MYH2: variants seen among roughly 807,000 people sequenced by gnomAD.
The protein encoded by MYH2 is myosin-2.
Under a neutral mutation model 228.1 loss-of-function variants are expected in MYH2, and 139 were observed. That is an observed-to-expected ratio of 0.61 (90% CI 0.53 to 0.70). The LOEUF is 0.70. Ranked by LOEUF, MYH2 falls within the 30% of genes least tolerant of loss-of-function variation. The pLI, the probability that MYH2 is intolerant of heterozygous loss-of-function variation, is 0.00. For synonymous variants in MYH2, 796 were observed against 871.1 expected, an observed-to-expected ratio of 0.91 and a Z score of 1.52; for missense variants, 1,809 against 2,357.5, an observed-to-expected ratio of 0.77 and a Z score of 4.82.
At chr17:10,543,409 CACATA>C (rs2073583435) in intron 8 of MYH2, among the ~76,000 whole-genome samples, 1 of 152,096 alleles carries the variant, frequency 6.6e-6, no homozygotes, top group Non-Finnish European at 1.5e-5. Flanking sequence ...CCATAATATA[CACATA>C]ACATATATCA....
chr17:10,538,572 G>A (rs765506765), intron 14 of MYH2, among the ~76,000 whole-genome samples: 36 of 151,224 alleles, frequency 2.4e-4, no homozygotes, highest in Non-Finnish European at 4.3e-4. Context: ...GTGAACCCAG[G>A]AGGCGGAGCT....
chr17:10,537,366 A>G lies in MYH2; in HGVS notation c.1764T>C (p.Val588=), dbSNP rs2142310568. ...GCCAGCCAGTAATGTTGTAGTCCAC[A>G]ACACCAGCATAGTGAATCAGAGCGA... ...AHFALIHYAG[V]VDYNITGWLE... The change falls in exon 16 of 40, where the codon GTT becomes GTC. Residue 588 remains valine (V), a synonymous_variant. Transcript: ENST00000245503. This position sits in a 1 kb window ranked among gnomAD's most constrained non-coding sequence, Gnocchi z 4.0. 6.2e-7 allele frequency: 1 copy of G among 1,614,196 alleles called. No homozygotes were observed. The highest frequency in any genetic ancestry group is 8.5e-7 in the Non-Finnish European group (1 of 1,180,036).
chr17:10,527,225 C>T (rs554354850), intron 28 of MYH2, among the ~76,000 whole-genome samples, 169 bp from the exon 29 acceptor site: 2 of 152,330 alleles, frequency 1.3e-5, no homozygotes, highest in East Asian at 3.9e-4. Flanking sequence ...TATGGTGAAA[C>T]TTTCAGATCA....
intron 19 of MYH2, among the ~76,000 whole-genome samples, chr17:10,534,100 T>C (rs1457329424): frequency 6.6e-6 from 1 of 152,232 alleles, no homozygotes; most frequent in Non-Finnish European, 1.5e-5. Flanking sequence ...CAGTGCCACC[T>C]GACCCAGACC....
chr17:10,541,346 C>T lies in MYH2; in HGVS notation c.905-649G>A, dbSNP rs934254421. 4.6e-5 allele frequency among the ~76,000 whole-genome samples: 7 copies of T among 152,090 alleles called. No homozygotes were observed. The East Asian group carries it at 1.4e-3, about 29-fold the overall frequency. ...TAGGGGGAGGTCTCTAAAATGGCTG[C>T]TCTGGGAATGTTGTCTTTTACAGTT... is the stretch of plus-strand genomic sequence containing the variant. On this transcript the variant is annotated intron_variant, in intron 10 of 39. Coordinates refer to ENST00000245503, the MANE Select transcript of MYH2 (RefSeq NM_017534.6).
At chr17:10,529,126 G>A (rs1356983505) in intron 26 of MYH2, 36 bp downstream of exon 26, 1 of 1,614,156 alleles carries the variant, frequency 6.2e-7, no homozygotes, top group Non-Finnish European at 8.5e-7. Context: ...TGTCATAACT[G>A]CCTCCGAGCC....
In MYH2 at chr17:10,525,263, T is replaced by C; in HGVS notation, c.4623A>G (p.Gln1541=). The part of the protein sequence containing the change: ...ELEKIKKQVE[Q]EKCELQAALE... ...AAGCAGCCTGAAGTTCACACTTTTC[T>C]TGTTCCACTTGTTTCTTTATTTTCT... Residue 1541 remains glutamine (Q), a synonymous_variant, in exon 33 of 40, where the codon CAA becomes CAG. Coordinates refer to ENST00000245503, the MANE Select transcript of MYH2 (RefSeq NM_017534.6). The surrounding 1 kb of genome is among the most constrained non-coding windows in gnomAD (Gnocchi z 4.2). The C allele has an allele frequency of 1.2e-6, 2 of 1,614,180 alleles. No individual in the cohort carries two copies. Among genetic ancestry groups the C allele is most frequent in the Non-Finnish European group, 1.7e-6 (2 of 1,180,030 alleles).
At chr17:10,527,633 A>G (rs2073370253) in intron 28 of MYH2, 115 bp downstream of exon 28, 1 of 1,523,876 alleles carries the variant, frequency 6.6e-7, no homozygotes, top group South Asian at 1.1e-5. Context: ...TGAGCTGTTC[A>G]GTGAATCAGA....
Position 10,524,628 on chromosome 17 carries a change from C to T in MYH2, c.5013G>A (p.Glu1671=), listed in dbSNP as rs748695702. The T allele has an allele frequency of 3.7e-6, 6 of 1,614,240 alleles. No individual in the cohort carries two copies. The highest frequency in any genetic ancestry group is 5.1e-6 in the Non-Finnish European group (6 of 1,180,046). ...CCATGGCCAGCTGTTCCTTCAGGTC[C>T]TCCTGGCTCCGGAGAGCATCATCCA... ...IHLDDALRSQ[E]DLKEQLAMVE... is the part of the protein sequence containing the mutation. The change falls in exon 35 of 40, where the codon GAG becomes GAA. Residue 1671 remains glutamate (E), a synonymous_variant. Coordinates refer to ENST00000245503, the MANE Select transcript of MYH2 (RefSeq NM_017534.6). The surrounding 1 kb of genome is among the most constrained non-coding windows in gnomAD (Gnocchi z 4.7).
At chr17:10,546,288 T>TATATATATATATATATATAC (rs1384958740) in intron 4 of MYH2, among the ~76,000 whole-genome samples, 2 of 136,958 alleles carry the variant, frequency 1.5e-5, no homozygotes, top group South Asian at 2.4e-4. Context: ...TATATATATA[T>TATATATATATATATATATAC]ACATCATGAT....
Position 10,537,547 on chromosome 17 carries a change from A to C in MYH2, c.1588-5T>G, listed in dbSNP as rs761572484. 6.2e-7 allele frequency: 1 copy of C among 1,614,164 alleles called. No homozygotes were observed. The highest frequency in any genetic ancestry group is 8.5e-7 in the Non-Finnish European group (1 of 1,180,024). On this transcript the variant is annotated splice_polypyrimidine_tract_variant and splice_region_variant and intron_variant, in intron 15 of 39. Coordinates refer to ENST00000245503, the MANE Select transcript of MYH2 (RefSeq NM_017534.6). The surrounding 1 kb of genome is among the most constrained non-coding windows in gnomAD (Gnocchi z 4.0). ...GATGGAGAAGATGCCCATAGGCTAA[A>C]AAGCAGACCACAACACAAAATTGTA...
rs1416328046 is a variant in MYH2 at position 10,533,439 on chromosome 17, T to G, written c.2305-18A>C. On this transcript the variant is annotated intron_variant, in intron 20 of 39. Coordinates refer to ENST00000245503, the MANE Select transcript of MYH2 (RefSeq NM_017534.6). ...AAAAAGACCTGTGAATGGAAAGAGTTGCAAATCACAAGCTTTAATAAAGTT... is the reference window on the plus strand; with the variant it reads ...AAAAAGACCTGTGAATGGAAAGAGTGGCAAATCACAAGCTTTAATAAAGTT... 1.9e-6 allele frequency: 3 copies of G among 1,613,986 alleles called. No homozygotes were observed. The Admixed American group carries it at 5.0e-5, about 27-fold the overall frequency.
chr17:10,542,088 A>G (rs2073563406), intron 10 of MYH2, among the ~76,000 whole-genome samples: 1 of 152,204 alleles, frequency 6.6e-6, no homozygotes, highest in Non-Finnish European at 1.5e-5. Flanking sequence ...AGCCTGGACA[A>G]CATGGTGAAA....
chr17:10,526,703 G>C lies in MYH2; in HGVS notation c.4083C>G (p.Ala1361=), dbSNP rs780127918. 7.4e-6 allele frequency: 12 copies of C among 1,614,018 alleles called. No individual in the cohort carries two copies. Among genetic ancestry groups the C allele is most frequent in the African/African-American group, 6.7e-5 (5 of 74,928 alleles). ...CCTTGGACAGTGCTCTCTGCAGCTC[G>C]GCCTTGGATTCCTGCTCCTCCTCAT... ...EQYEEEQESK[A]ELQRALSKAN... is the part of the protein sequence containing the mutation. The change falls in exon 30 of 40, where the codon GCC becomes GCG. Residue 1361 remains alanine, a synonymous_variant. Transcript: ENST00000245503.
At chr17:10,535,404 G>C (rs1356075832) in intron 17 of MYH2, 39 bp from the exon 18 acceptor site, 1 of 1,538,048 alleles carries the variant, frequency 6.5e-7, no homozygotes, top group African/African-American at 1.4e-5. Flanking sequence ...TTAGGCTCTA[G>C]ACATGGATAT....
chr17:10,547,991 C>G (rs2073657187), intron 2 of MYH2, 51 bp from the exon 3 acceptor site: 1 of 1,451,490 alleles, frequency 6.9e-7, no homozygotes, highest in East Asian at 2.4e-5. Flanking sequence ...CCATGTATAC[C>G]AATAAATCTT....
At chr17:10,527,151 T>C (rs1421489955) in intron 28 of MYH2, 95 bp from the exon 29 acceptor site, 15 of 1,116,460 alleles carry the variant, frequency 1.3e-5, no homozygotes, top group Middle Eastern at 2.1e-4. Flanking sequence ...TTTTCCCAAA[T>C]TGAGTGCTCA....
intron 4 of MYH2, among the ~76,000 whole-genome samples, chr17:10,546,522 A>C (rs1479922214): frequency 6.6e-6 from 1 of 151,954 alleles, no homozygotes; most frequent in Non-Finnish European, 1.5e-5. Flanking sequence ...AGACAGTATA[A>C]ATGAGACCAG....
intron 39 of MYH2, 149 bp from the exon 40 acceptor site, chr17:10,521,581 A>G (rs2073285040): frequency 1.3e-5 from 2 of 159,952 alleles, no homozygotes; most frequent in Non-Finnish European, 2.3e-5. Context: ...TATTGATGTC[A>G]TATATATATA....
Sources: gnomAD v4.1 joint callset for allele counts (sites outside exome capture counted in the v4.1 genomes callset) on GRCh38, gnomAD v4.1.1 for gene constraint, Gnocchi (gnomAD v3.1) non-coding constraint, MANE v1.5 for transcripts, NCBI Gene and HGNC (gene_info 2026-07-23, HGNC 2026-07-21) for gene names.